VXN: variants seen among roughly 807,000 people sequenced by gnomAD.
VXN encodes vexin.
A neutral mutation model predicts 23.1 loss-of-function variants in VXN; 7 were observed. The ratio of observed to expected loss-of-function variants is 0.30; its 90% CI spans 0.17 to 0.57. The LOEUF (loss-of-function observed/expected upper bound fraction) is 0.57. VXN is among the 20% of genes least tolerant of loss of function. VXN has a pLI of 0.91. For missense variants in VXN, 238 were observed against 272.6 expected, an observed-to-expected ratio of 0.87 and a Z score of 0.89; for synonymous variants, 120 against 105.8, an observed-to-expected ratio of 1.13 and a Z score of -0.83.
chr8:66,501,881 C>T (rs1006547862), intron 2 of VXN, among the ~76,000 whole-genome samples: 1 of 152,152 alleles, frequency 6.6e-6, no homozygotes, highest in Non-Finnish European at 1.5e-5. Context: ...TTGTCTTCTC[C>T]AACTTGGTGA....
At chr8:66,512,898 G>T (rs1371457647) in intron 4 of VXN, among the ~76,000 whole-genome samples, 1 of 152,230 alleles carries the variant, frequency 6.6e-6, no homozygotes. Context: ...TAGATAGAGG[G>T]CGTCCTGTGC....
intron 4 of VXN, 89 bp downstream of exon 4, chr8:66,510,246 G>A: frequency 9.1e-7 from 1 of 1,098,094 alleles, no homozygotes; most frequent in East Asian, 2.5e-5. Context: ...GAGAGACTCA[G>A]TGTTCTTTGT....
At chr8:66,496,761 T>C (rs558708848) in intron 2 of VXN, among the ~76,000 whole-genome samples, 6 of 152,234 alleles carry the variant, frequency 3.9e-5, no homozygotes, top group Non-Finnish European at 5.9e-5. Flanking sequence ...TTTTTTTTTC[T>C]TGTTTAAACA....
At position 66,496,300 on chromosome 8, in the gene VXN, G is replaced by A. The variant is rs1021232033; in HGVS notation, c.71-137G>A. 3.5e-5 allele frequency: 26 copies of A among 732,632 alleles called. 1 individual carries two copies. The highest frequency in any genetic ancestry group is 4.9e-5 in the Non-Finnish European group (21 of 426,092). 45.4% of individuals were successfully genotyped at this position (732,632 alleles called of 1,614,324 possible). A position where few individuals can be genotyped will look rare whatever the true frequency, so the allele number is the denominator to read the frequency against. On this transcript the variant is annotated intron_variant, in intron 1 of 5. Coordinates refer to ENST00000305454, the MANE Select transcript of VXN (RefSeq NM_152765.4). ...GCCAAGTAACATCTTCAATCGCAACGACCCTGTCTCTTTTTCCCGTCCCCT... is the reference window on the plus strand; with the variant it reads ...GCCAAGTAACATCTTCAATCGCAACAACCCTGTCTCTTTTTCCCGTCCCCT...
chr8:66,496,486 C>A lies in VXN; in HGVS notation c.120C>A (p.Thr40=), dbSNP rs916577813. The A allele has an allele frequency of 2.5e-6, 4 of 1,613,918 alleles. No homozygotes were observed. The highest frequency in any genetic ancestry group is 1.1e-5 in the South Asian group (1 of 91,062). The part of the protein sequence containing the change: ...RRAKSSQHLL[T]KNVVIESDLY... ...CCAAAAGCTCTCAGCACCTCTTGAC[C>A]AAGAATGTAAGGAAACTTTAGTTTT... The change falls in exon 2 of 6, where the codon ACC becomes ACA. Residue 40 remains threonine, a synonymous_variant. Transcript: ENST00000305454.
chr8:66,511,818 G>C lies in VXN; in HGVS notation c.342+1661G>C, dbSNP rs562955551. 2.0e-5 allele frequency among the ~76,000 whole-genome samples: 3 copies of C among 152,272 alleles called. No homozygotes were observed. The East Asian group carries it at 5.8e-4, about 29-fold the overall frequency. On this transcript the variant is annotated intron_variant, in intron 4 of 5. Coordinates refer to ENST00000305454, the MANE Select transcript of VXN (RefSeq NM_152765.4). ...ACAGTGGCTCACAGCTGTAATCCCA[G>C]CACTTTGGGAGGCGGAGGCAGGTGG...
Position 66,505,488 on chromosome 8 carries a change from G to T in VXN, c.240G>T (p.Arg80=). 6.4e-7 allele frequency: 1 copy of T among 1,558,112 alleles called. No individual in the cohort carries two copies. The stretch of plus-strand genomic sequence containing the variant: ...GGTTTGGGCGGCTCCAGACCGCGCG[G>T]CCGCCCACAGCCCACCCGGCCAAAG... ...RRRFGRLQTA[R]PPTAHPAKAS... The change falls in exon 3 of 6, where the codon CGG becomes CGT. Residue 80 remains arginine (R), a synonymous_variant. Transcript: ENST00000305454.
Position 66,516,032 on chromosome 8 carries a change from T to G in VXN, c.580T>G (p.Ser194Ala), listed in dbSNP as rs752951022. The G allele has an allele frequency of 6.2e-7, 1 of 1,613,308 alleles. No homozygotes were observed. ...AATGTGGACAAGGCACAAGAAGAAGTCTGAATATGTGGGAGCCACCAACAG... is the reference window on the plus strand; with the variant it reads ...AATGTGGACAAGGCACAAGAAGAAGGCTGAATATGTGGGAGCCACCAACAG... ...RKMWTRHKKK[S>A]EYVGATNSAF... Residue 194 changes from serine to alanine, a missense_variant, in exon 6 of 6, where the codon TCT becomes GCT. Transcript: ENST00000305454.
In VXN at chr8:66,496,498, G is replaced by A. The variant is rs1807627956; in HGVS notation, c.126+6G>A. The A allele has an allele frequency of 6.2e-7, 1 of 1,613,830 alleles. No homozygotes were observed. Among genetic ancestry groups the A allele is most frequent in the South Asian group, 1.1e-5 (1 of 91,072 alleles). On this transcript the variant is annotated splice_donor_region_variant and intron_variant, in intron 2 of 5. Coordinates refer to ENST00000305454, the MANE Select transcript of VXN (RefSeq NM_152765.4). ...AGCACCTCTTGACCAAGAATGTAAGGAAACTTTAGTTTTGATGTTCTTTGG... is the reference window on the plus strand; with the variant it reads ...AGCACCTCTTGACCAAGAATGTAAGAAAACTTTAGTTTTGATGTTCTTTGG...
At chr8:66,497,614 G>A (rs1807640987) in intron 2 of VXN, among the ~76,000 whole-genome samples, 1 of 152,164 alleles carries the variant, frequency 6.6e-6, no homozygotes, top group South Asian at 2.1e-4. Flanking sequence ...GCGCTTTAAA[G>A]TTGAAACTGA....
intron 4 of VXN, among the ~76,000 whole-genome samples, chr8:66,512,593 AGTACTT>A (rs1218541720): frequency 6.6e-6 from 1 of 152,164 alleles, no homozygotes; most frequent in East Asian, 1.9e-4. Flanking sequence ...CATGTTCCTG[AGTACTT>A]GTCACTCCTT....
intron 5 of VXN, chr8:66,514,046 A>C (rs1313891656): frequency 5.8e-6 from 1 of 171,952 alleles, no homozygotes; most frequent in Non-Finnish European, 1.2e-5. Flanking sequence ...CAAAGGTTTC[A>C]AACCACACTT....
chr8:66,501,554 T>C (rs1354428623), intron 2 of VXN, among the ~76,000 whole-genome samples: 2 of 152,222 alleles, frequency 1.3e-5, no homozygotes, highest in African/African-American at 4.8e-5. Context: ...ACCACAGATC[T>C]TTCAGTCTTT....
intron 2 of VXN, among the ~76,000 whole-genome samples, chr8:66,499,905 T>A (rs1485385883): frequency 6.6e-6 from 1 of 152,060 alleles, no homozygotes; most frequent in Non-Finnish European, 1.5e-5. Context: ...ATTATTAATA[T>A]TATTTTTCAT....
chr8:66,499,927 A>G (rs1273665481), intron 2 of VXN, among the ~76,000 whole-genome samples: 1 of 151,460 alleles, frequency 6.6e-6, no homozygotes, highest in Non-Finnish European at 1.5e-5. Flanking sequence ...GGGTTTTGTC[A>G]TGTTGCCCAG....
rs201973579 is a variant in VXN at position 66,496,421 on chromosome 8, C to T, written c.71-16C>T. 5 of 1,613,426 alleles carry T rather than the reference C, an allele frequency of 3.1e-6. No individual in the cohort carries two copies. Among genetic ancestry groups the T allele is most frequent in the Non-Finnish European group, 4.2e-6 (5 of 1,179,478 alleles). On this transcript the variant is annotated splice_polypyrimidine_tract_variant and intron_variant, in intron 1 of 5. Coordinates refer to ENST00000305454, the MANE Select transcript of VXN (RefSeq NM_152765.4). ...TGATGTTGTCTAAAACCATTTCTTTCTCTCTGTCTTTGCAGTATCCAGTCC... is the reference window on the plus strand; with the variant it reads ...TGATGTTGTCTAAAACCATTTCTTTTTCTCTGTCTTTGCAGTATCCAGTCC...
intron 2 of VXN, among the ~76,000 whole-genome samples, chr8:66,504,694 G>A (rs1384636441): frequency 2.0e-5 from 3 of 152,120 alleles, no homozygotes; most frequent in Admixed American, 1.3e-4. Flanking sequence ...TTAGCATTGG[G>A]ACCTTTGTTC....
chr8:66,512,241 G>A (rs1324616003), intron 4 of VXN, among the ~76,000 whole-genome samples: 1 of 152,134 alleles, frequency 6.6e-6, no homozygotes, highest in Non-Finnish European at 1.5e-5. Flanking sequence ...AGTGTGCTGG[G>A]TGAGATTGGC....
intron 3 of VXN, 105 bp downstream of exon 3, chr8:66,505,633 T>G: frequency 7.5e-7 from 1 of 1,329,026 alleles, no homozygotes; most frequent in Non-Finnish European, 9.8e-7. Context: ...GGCTGCGGCC[T>G]CAGTCGCGCC....
Sources: gnomAD v4.1 joint callset for allele counts (sites outside exome capture counted in the v4.1 genomes callset) on GRCh38, gnomAD v4.1.1 for gene constraint, MANE v1.5 for transcripts, NCBI Gene and HGNC (gene_info 2026-07-23, HGNC 2026-07-21) for gene names.